NRXN3: variants seen among roughly 807,000 people sequenced by gnomAD.
NRXN3 encodes neurexin III.
A neutral mutation model predicts 137.6 loss-of-function variants in NRXN3; 32 were observed. That is an observed-to-expected ratio of 0.23 (90% CI 0.18 to 0.31). NRXN3 has a LOEUF of 0.31. Ranked by LOEUF, NRXN3 falls within the 10% of genes least tolerant of loss-of-function variation. The pLI is 1.00. For missense variants in NRXN3, 1,574 were observed against 2,062.5 expected, an observed-to-expected ratio of 0.76 and a Z score of 4.59; for synonymous variants, 798 against 784.5, an observed-to-expected ratio of 1.02 and a Z score of -0.29.
chr14:79,517,226 ATGAG>A (rs1283548790), intron 16 of NRXN3, among the ~76,000 whole-genome samples: 1 of 151,728 alleles, frequency 6.6e-6, no homozygotes, highest in African/African-American at 2.4e-5. Context: ...TTTTCTTATG[ATGAG>A]TGAGATTGTA....
chr14:78,979,308 T>C (rs2099482126), intron 14 of NRXN3, among the ~76,000 whole-genome samples: 1 of 152,130 alleles, frequency 6.6e-6, no homozygotes, highest in Non-Finnish European at 1.5e-5. Context: ...ACTCTTTAAT[T>C]TTTATATTTT....
At chr14:79,767,828 G>C (rs892582734) in intron 19 of NRXN3, among the ~76,000 whole-genome samples, 10 of 152,336 alleles carry the variant, frequency 6.6e-5, no homozygotes, top group Middle Eastern at 3.4e-3. Flanking sequence ...CAACGCAGAA[G>C]ATGGGTGATT....
intron 2 of NRXN3, among the ~76,000 whole-genome samples, chr14:78,264,190 C>G (rs1203116177): frequency 6.6e-6 from 1 of 152,222 alleles, no homozygotes; most frequent in South Asian, 2.1e-4. Context: ...TCTACAGCCC[C>G]TCTTGTTCAG....
chr14:78,815,745 T>C (rs951113927), intron 10 of NRXN3, among the ~76,000 whole-genome samples: 1 of 152,122 alleles, frequency 6.6e-6, no homozygotes, highest in African/African-American at 2.4e-5. Context: ...AGCCAAATTG[T>C]TTAGCTCTTT....
At chr14:79,658,298 G>A (rs893072319) in intron 16 of NRXN3, among the ~76,000 whole-genome samples, 1 of 152,164 alleles carries the variant, frequency 6.6e-6, no homozygotes, top group Non-Finnish European at 1.5e-5. Context: ...CATTTAGGTA[G>A]CCTGGTTTAT....
At chr14:78,702,622 T>C (rs959811516) in intron 6 of NRXN3, among the ~76,000 whole-genome samples, 3 of 151,966 alleles carry the variant, frequency 2.0e-5, no homozygotes, top group African/African-American at 7.3e-5. Context: ...TTCTGTATTT[T>C]TAGTAGAGAT....
Position 78,816,252 on chromosome 14 carries a change from T to G in NRXN3, c.2275+5908T>G, listed in dbSNP as rs892442818. On this transcript the variant is annotated intron_variant, in intron 10 of 20. Transcript: ENST00000335750. Reference sequence around the variant, plus strand: ...ACAAAAGGCAAAATAGTAAAAATTCTTCCCACTCATCGTATTCCTCAAACT... The same window carrying G: ...ACAAAAGGCAAAATAGTAAAAATTCGTCCCACTCATCGTATTCCTCAAACT... 1.1e-4 allele frequency among the ~76,000 whole-genome samples: 16 copies of G among 152,298 alleles called. No homozygotes were observed. In the South Asian group the frequency reaches 2.7e-3, roughly 26 times the overall value.
intron 15 of NRXN3, among the ~76,000 whole-genome samples, chr14:79,254,497 C>G (rs1407202229): frequency 6.6e-6 from 1 of 151,068 alleles, no homozygotes; most frequent in East Asian, 1.9e-4. Flanking sequence ...TAGGCTCAAG[C>G]AGAAAAAATG....
rs140093419 is a variant in NRXN3 at position 78,235,156 on chromosome 14, T to G, written c.-703-7235T>G. Among the ~76,000 whole-genome samples, 211 of 151,808 alleles carry G rather than the reference T, an allele frequency of 1.4e-3. 1 individual carries two copies. Among genetic ancestry groups the G allele is most frequent in the Middle Eastern group, 6.8e-3 (2 of 292 alleles). On this transcript the variant is annotated intron_variant, in intron 1 of 20. Transcript: ENST00000335750. ...GTTTATATTGGAGGATCAAGTTGCA[T>G]TCCTTTCCATTTATCTCCATCAAAT...
intron 15 of NRXN3, among the ~76,000 whole-genome samples, chr14:79,380,976 G>C (rs2094453782): frequency 3.3e-5 from 5 of 152,022 alleles, no homozygotes; most frequent in Admixed American, 3.3e-4. Flanking sequence ...ATGTAGTTGA[G>C]AATCCATTAC....
intron 6 of NRXN3, among the ~76,000 whole-genome samples, chr14:78,706,171 C>T (rs1460151968): frequency 1.3e-5 from 2 of 152,174 alleles, no homozygotes; most frequent in African/African-American, 2.4e-5. Context: ...TAATAATTAA[C>T]CTTTACTAGG....
At position 79,599,559 on chromosome 14, in the gene NRXN3, T is replaced by C. The variant is rs75565387; in HGVS notation, c.3445-64219T>C. On this transcript the variant is annotated intron_variant, in intron 16 of 20. Coordinates refer to ENST00000335750, the MANE Select transcript of NRXN3 (RefSeq NM_001330195.2). ...GGCCTTGTATGCAAGACTGAGTTGA[T>C]CCCAGTCTCAATTTACCTGATACCA... 2.2e-4 allele frequency among the ~76,000 whole-genome samples: 34 copies of C among 152,308 alleles called. No homozygotes were observed. The East Asian group carries it at 6.4e-3, about 28-fold the overall frequency.
chr14:79,355,502 CTG>C (rs1166110387), intron 15 of NRXN3, among the ~76,000 whole-genome samples: 1 of 152,316 alleles, frequency 6.6e-6, no homozygotes, highest in East Asian at 1.9e-4. Flanking sequence ...CCAAGCAAGT[CTG>C]TAAATTTTAG....
intron 19 of NRXN3, among the ~76,000 whole-genome samples, chr14:79,793,030 G>A (rs1389156298): frequency 6.6e-6 from 1 of 152,172 alleles, no homozygotes; most frequent in Non-Finnish European, 1.5e-5. Context: ...GGTCTGGGCA[G>A]ATAGAGAGGG....
At chr14:79,101,208 T>G (rs1461573345) in intron 15 of NRXN3, among the ~76,000 whole-genome samples, 1 of 152,154 alleles carries the variant, frequency 6.6e-6, no homozygotes, top group Non-Finnish European at 1.5e-5. Context: ...AGGGCAGTGG[T>G]TTTTCATGGC....
chr14:78,203,755 A>G (rs2061893999), intron 1 of NRXN3, among the ~76,000 whole-genome samples: 1 of 150,248 alleles, frequency 6.7e-6, no homozygotes, highest in South Asian at 2.1e-4. Flanking sequence ...AAAAATCACT[A>G]TTTTCCTACC....
chr14:79,370,057 A>G (rs532063657), intron 15 of NRXN3, among the ~76,000 whole-genome samples: 1 of 152,162 alleles, frequency 6.6e-6, no homozygotes, highest in Non-Finnish European at 1.5e-5. Context: ...TATTAATCAG[A>G]CAGAAAAGAC....
At chr14:78,608,949 GC>G (rs1489670553) in intron 4 of NRXN3, among the ~76,000 whole-genome samples, 1 of 152,126 alleles carries the variant, frequency 6.6e-6, no homozygotes, top group Non-Finnish European at 1.5e-5. Context: ...CAGAAAAAGG[GC>G]TGGGCATAGG....
rs746522906 is a variant in NRXN3, at chr14:79,740,113, C to A, written c.4014+42176C>A. ...GAGTTAGTGTATCACTGTCCTCTAG[C>A]CCCTGAGCTGAAACCTTGGAATCAT... On this transcript the variant is annotated intron_variant, in intron 19 of 20. Transcript: ENST00000335750. 2.0e-5 allele frequency among the ~76,000 whole-genome samples: 3 copies of A among 152,142 alleles called. No individual in the cohort carries two copies. The East Asian group carries it at 5.8e-4, about 29-fold the overall frequency.
Sources: allele counts gnomAD v4.1 joint callset (sites outside exome capture counted in the v4.1 genomes callset), GRCh38; gene constraint gnomAD v4.1.1; transcripts MANE v1.5; gene names NCBI Gene and HGNC (gene_info 2026-07-23, HGNC 2026-07-21).